WASL: variants seen among roughly 807,000 people sequenced by gnomAD.
WASL encodes actin nucleation-promoting factor WASL.
Under a neutral mutation model 55.5 loss-of-function variants are expected in WASL, and 20 were observed. The observed-to-expected ratio is 0.36, with a 90% CI of 0.25 to 0.52. WASL has a LOEUF of 0.52. WASL is among the 20% of genes least tolerant of loss of function. The probability of loss-of-function intolerance (pLI) is 0.92; values close to 1 mark genes in which losing one functional copy is unlikely to be tolerated. For synonymous variants in WASL, 249 were observed against 217.6 expected, an observed-to-expected ratio of 1.14 and a Z score of -1.27; for missense variants, 504 against 622.5, an observed-to-expected ratio of 0.81 and a Z score of 2.03.
intron 8 of WASL, among the ~76,000 whole-genome samples, chr7:123,694,096 A>T (rs1803455836): frequency 6.6e-6 from 1 of 152,218 alleles, no homozygotes; most frequent in Non-Finnish European, 1.5e-5. Context: ...AAAGCTAGGA[A>T]GAAGAAAAGA....
At chr7:123,694,691 A>G in intron 8 of WASL, 24 bp downstream of exon 8, 1 of 1,610,370 alleles carries the variant, frequency 6.2e-7, no homozygotes, top group South Asian at 1.1e-5. Context: ...ACAAAACAGA[A>G]CGCTGAATAG....
chr7:123,725,981 T>C (rs1208529620), intron 1 of WASL, among the ~76,000 whole-genome samples: 1 of 152,166 alleles, frequency 6.6e-6, no homozygotes, highest in African/African-American at 2.4e-5. Context: ...AAACATAAGT[T>C]CACTGTTAAA....
Position 123,707,627 on chromosome 7 carries a change from A to G in WASL, c.253-801T>C, listed in dbSNP as rs34567528. ...AGACCACAATTTAAAAATATGTAAA[A>G]TACACTGTTCACACATTATAACCAC... is the stretch of plus-strand genomic sequence containing the variant. On this transcript the variant is annotated intron_variant, in intron 2 of 10. Coordinates refer to ENST00000223023, the MANE Select transcript of WASL (RefSeq NM_003941.4). 4.1e-3 allele frequency among the ~76,000 whole-genome samples: 618 copies of G among 152,342 alleles called. 1 individual carries two copies. The highest frequency in any genetic ancestry group is 7.3e-3 in the Non-Finnish European group (500 of 68,034).
intron 1 of WASL, among the ~76,000 whole-genome samples, chr7:123,728,956 T>C (rs142478437): frequency 3.9e-5 from 6 of 152,176 alleles, no homozygotes; most frequent in African/African-American, 1.2e-4. Context: ...TACATACATG[T>C]GTACTTCTTC....
rs1200645706 is a variant in WASL, at chr7:123,683,312, C to A, written c.*1207G>T. 5 of 151,616 alleles carry A rather than the reference C, an allele frequency of 3.3e-5. No homozygotes were observed. The highest frequency in any genetic ancestry group is 3.3e-4 in the Admixed American group (5 of 15,206). The allele number at this position is 151,616 out of a possible 1,614,324, so 9.4% of individuals were successfully genotyped here. A position where few individuals can be genotyped will look rare whatever the true frequency, so the allele number is the denominator to read the frequency against. ...AGTGTAGTGTAGAGAGGCAAAGAAA[C>A]CCTAATTTTAACACACCATTTAGTA... On this transcript the variant is annotated 3_prime_UTR_variant, in exon 11 of 11. Coordinates refer to ENST00000223023, the MANE Select transcript of WASL (RefSeq NM_003941.4).
chr7:123,732,382 T>G (rs1347965828), intron 1 of WASL, among the ~76,000 whole-genome samples: 4 of 152,032 alleles, frequency 2.6e-5, no homozygotes, highest in African/African-American at 4.8e-5. Flanking sequence ...CTATCACTAT[T>G]GATCTTCCAG....
chr7:123,684,608 A>G, intron 10 of WASL, 28 bp from the exon 11 acceptor site: 1 of 1,489,788 alleles, frequency 6.7e-7, no homozygotes, highest in Non-Finnish European at 9.0e-7. Flanking sequence ...CAATTAAAAC[A>G]TATGCATAAA....
intron 1 of WASL, among the ~76,000 whole-genome samples, chr7:123,739,947 A>G (rs1015561284): frequency 2.7e-5 from 4 of 150,938 alleles, no homozygotes; most frequent in South Asian, 4.2e-4. Flanking sequence ...TTTGCAGCAT[A>G]TATCTTTTTG....
intron 10 of WASL, among the ~76,000 whole-genome samples, chr7:123,688,450 T>C (rs1389490676): frequency 6.6e-6 from 1 of 152,120 alleles, no homozygotes; most frequent in Non-Finnish European, 1.5e-5. Flanking sequence ...AACCTCTGCC[T>C]CCTGGGTTCA....
chr7:123,687,392 C>T (rs1179238615), intron 10 of WASL, among the ~76,000 whole-genome samples: 1 of 152,092 alleles, frequency 6.6e-6, no homozygotes, highest in Non-Finnish European at 1.5e-5. Flanking sequence ...TCATTCCTTA[C>T]TATTCTTTCC....
chr7:123,736,181 T>A (rs1184555312), intron 1 of WASL, among the ~76,000 whole-genome samples: 1 of 152,148 alleles, frequency 6.6e-6, no homozygotes, highest in Non-Finnish European at 1.5e-5. Context: ...CAGAGAAAAT[T>A]TCTTTCAAGA....
At chr7:123,685,858 CTATATATAAATATATAAA>C (rs1042740679) in intron 10 of WASL, among the ~76,000 whole-genome samples, 1 of 142,238 alleles carries the variant, frequency 7.0e-6, no homozygotes, top group African/African-American at 2.6e-5. Flanking sequence ...ATACATATAC[CTATATATAAATATATAAA>C]TATATATAAA....
chr7:123,704,974 G>A (rs1482526187), intron 4 of WASL, among the ~76,000 whole-genome samples: 1 of 152,116 alleles, frequency 6.6e-6, no homozygotes, highest in Non-Finnish European at 1.5e-5. Flanking sequence ...CATGGTTAAG[G>A]ACTATAGATT....
chr7:123,684,924 TCTAA>T (rs1475528270), intron 10 of WASL, among the ~76,000 whole-genome samples: 2 of 151,996 alleles, frequency 1.3e-5, no homozygotes, highest in Non-Finnish European at 2.9e-5. Context: ...ACTCAAAACT[TCTAA>T]CTTTTATTTC....
At chr7:123,724,591 C>T (rs1436489784) in intron 1 of WASL, among the ~76,000 whole-genome samples, 5 of 152,160 alleles carry the variant, frequency 3.3e-5, no homozygotes, top group African/African-American at 1.2e-4. Flanking sequence ...ACTGTTATTA[C>T]CTTTAGCCTC....
intron 3 of WASL, 82 bp from the exon 4 acceptor site, chr7:123,706,455 T>C (rs766344349): frequency 9.2e-5 from 121 of 1,315,282 alleles, no homozygotes; most frequent in Non-Finnish European, 1.2e-4. Flanking sequence ...GGAAAAGAAG[T>C]ATATTTCTAA....
At chr7:123,721,786 G>A (rs1045289550) in intron 1 of WASL, among the ~76,000 whole-genome samples, 2 of 152,134 alleles carry the variant, frequency 1.3e-5, no homozygotes, top group African/African-American at 4.8e-5. Context: ...GGTGGCGGGC[G>A]CCTGTAGTCC....
chr7:123,715,775 T>C (rs1803831992), intron 1 of WASL, among the ~76,000 whole-genome samples: 1 of 152,234 alleles, frequency 6.6e-6, no homozygotes, highest in Admixed American at 6.5e-5. Context: ...TTTAAATTCA[T>C]ACATCTAGAA....
intron 1 of WASL, among the ~76,000 whole-genome samples, chr7:123,724,359 T>G (rs1304766451): frequency 6.6e-6 from 1 of 152,208 alleles, no homozygotes; most frequent in African/African-American, 2.4e-5. Context: ...TGAAACATAA[T>G]GTTGAAAACT....
Sources: gnomAD v4.1 joint callset for allele counts (sites outside exome capture counted in the v4.1 genomes callset) on GRCh38, gnomAD v4.1.1 for gene constraint, MANE v1.5 for transcripts, NCBI Gene and HGNC (gene_info 2026-07-23, HGNC 2026-07-21) for gene names.